Variants in ST18 observed in about 807,000 individuals in gnomAD.
ST18 encodes suppression of tumorigenicity 18 protein.
A neutral mutation model predicts 110.0 loss-of-function variants in ST18; 50 were observed. The ratio of observed to expected loss-of-function variants is 0.45; its 90% CI spans 0.36 to 0.58. The LOEUF is 0.58. Among genes scored for constraint, ST18 ranks in the 20% least tolerant of loss-of-function variants. The pLI, the probability that ST18 is intolerant of heterozygous loss-of-function variation, is 0.00. For missense variants in ST18, 1,306 were observed against 1,280.1 expected, an observed-to-expected ratio of 1.02 and a Z score of -0.31; for synonymous variants, 461 against 452.4, an observed-to-expected ratio of 1.02 and a Z score of -0.24.
At chr8:52,205,534 G>GT (rs1564053644) in intron 8 of ST18, among the ~76,000 whole-genome samples, 1 of 151,846 alleles carries the variant, frequency 6.6e-6, no homozygotes. Context: ...GTAGTAGTCT[G>GT]TTTTTTTAAA....
At chr8:52,122,630 C>T (rs1302956436) in intron 23 of ST18, among the ~76,000 whole-genome samples, 1 of 151,950 alleles carries the variant, frequency 6.6e-6, no homozygotes, top group Non-Finnish European at 1.5e-5. Context: ...TTACAGGAGC[C>T]TGCCACCACA....
At chr8:52,195,772 T>C (rs965132712) in intron 8 of ST18, among the ~76,000 whole-genome samples, 3 of 152,200 alleles carry the variant, frequency 2.0e-5, no homozygotes, top group African/African-American at 7.2e-5. Context: ...AGTGCCTCAA[T>C]TTTACCTTAA....
intron 8 of ST18, chr8:52,199,365 GC>G: frequency 6.6e-6 from 1 of 152,302 alleles, no homozygotes; most frequent in Non-Finnish European, 1.5e-5. Context: ...TTACCATTTG[GC>G]CCTCATGCTG....
chr8:52,364,348 G>T (rs181030022), intron 2 of ST18, among the ~76,000 whole-genome samples: 17 of 152,286 alleles, frequency 1.1e-4, no homozygotes, highest in Middle Eastern at 3.4e-3. Context: ...AAGGACTCTG[G>T]TTAATAGGAG....
At chr8:52,159,624 T>C (rs2060905610) in intron 14 of ST18, among the ~76,000 whole-genome samples, 1 of 152,232 alleles carries the variant, frequency 6.6e-6, no homozygotes. Context: ...AGGCTTGTTT[T>C]GTCCTTAAAC....
At chr8:52,301,036 A>G (rs1207570398) in intron 2 of ST18, among the ~76,000 whole-genome samples, 1 of 152,244 alleles carries the variant, frequency 6.6e-6, no homozygotes, top group Non-Finnish European at 1.5e-5. Flanking sequence ...ATTTTCTAGG[A>G]ATGATGACAT....
At chr8:52,160,976 A>G (rs1418995741) in intron 14 of ST18, among the ~76,000 whole-genome samples, 1 of 152,168 alleles carries the variant, frequency 6.6e-6, no homozygotes, top group Non-Finnish European at 1.5e-5. Context: ...CAGCATTTCA[A>G]CATTTTACCT....
intron 2 of ST18, among the ~76,000 whole-genome samples, chr8:52,316,037 T>C (rs1026636993): frequency 1.3e-5 from 2 of 152,214 alleles, no homozygotes; most frequent in African/African-American, 4.8e-5. Context: ...ATTACTGTGG[T>C]GTTTTGTATT....
intron 2 of ST18, among the ~76,000 whole-genome samples, chr8:52,249,797 T>C (rs556739470): frequency 9.2e-5 from 14 of 152,244 alleles, no homozygotes; most frequent in Non-Finnish European, 1.2e-4. Flanking sequence ...TGGAGATGAA[T>C]TGTCTGGTTT....
chr8:52,280,396 G>A (rs964832774), intron 2 of ST18, among the ~76,000 whole-genome samples: 2 of 151,782 alleles, frequency 1.3e-5, no homozygotes, highest in African/African-American at 4.8e-5. Flanking sequence ...TATAATCTAT[G>A]TACACATGAA....
chr8:52,340,652 C>T (rs962402830), intron 2 of ST18, among the ~76,000 whole-genome samples: 5 of 152,170 alleles, frequency 3.3e-5, no homozygotes, highest in Non-Finnish European at 5.9e-5. Context: ...TCTCCACTCA[C>T]TTTGTTATCT....
At chr8:52,128,235 C>T (rs2047867694) in intron 22 of ST18, among the ~76,000 whole-genome samples, 1 of 152,222 alleles carries the variant, frequency 6.6e-6, no homozygotes, top group African/African-American at 2.4e-5. Context: ...TCCCAAAGTG[C>T]TGGGATTACA....
chr8:52,272,349 T>TA (rs896784406), intron 2 of ST18, among the ~76,000 whole-genome samples: 33 of 151,418 alleles, frequency 2.2e-4, no homozygotes, highest in South Asian at 6.3e-4. Flanking sequence ...AACTCAATAG[T>TA]AAAAAAAAAT....
At chr8:52,195,102 T>C (rs1338529625) in intron 8 of ST18, among the ~76,000 whole-genome samples, 3 of 152,198 alleles carry the variant, frequency 2.0e-5, no homozygotes, top group Non-Finnish European at 4.4e-5. Flanking sequence ...TGCATAGCCA[T>C]GGATTAGCTA....
intron 2 of ST18, among the ~76,000 whole-genome samples, chr8:52,379,152 G>A (rs1307272432): frequency 1.4e-5 from 2 of 144,730 alleles, no homozygotes; most frequent in Admixed American, 7.2e-5. Flanking sequence ...AGGCTGAAGT[G>A]CAGTGGCTCA....
intron 2 of ST18, among the ~76,000 whole-genome samples, chr8:52,391,786 C>T (rs1002507226): frequency 9.2e-5 from 14 of 152,174 alleles, no homozygotes; most frequent in African/African-American, 3.1e-4. Flanking sequence ...TTGGGCAACA[C>T]ATGACTGTAA....
At chr8:52,287,235 C>T (rs973054378) in intron 2 of ST18, among the ~76,000 whole-genome samples, 15 of 152,124 alleles carry the variant, frequency 9.9e-5, no homozygotes, top group Admixed American at 2.0e-4. Flanking sequence ...TACATAGAAC[C>T]TATCCACAAT....
At chr8:52,368,537 A>G (rs1403460702) in intron 2 of ST18, among the ~76,000 whole-genome samples, 1 of 152,216 alleles carries the variant, frequency 6.6e-6, no homozygotes, top group Non-Finnish European at 1.5e-5. Flanking sequence ...ACTAAAGGAC[A>G]TCATGTTTAA....
rs2083308181 is a variant in ST18, at chr8:52,214,261, T to C, written c.1-4A>G. ...TATCTTCAGCCTCTGCATCCATCTATAACATGAACACAAAGTCCTGAGGTC... is the reference window on the plus strand; with the variant it reads ...TATCTTCAGCCTCTGCATCCATCTACAACATGAACACAAAGTCCTGAGGTC... On this transcript the variant is annotated splice_region_variant and splice_polypyrimidine_tract_variant and intron_variant, in intron 6 of 25. Transcript: ENST00000689386. 6 of 1,613,806 alleles carry C rather than the reference T, an allele frequency of 3.7e-6. No homozygotes were observed. Among genetic ancestry groups the C allele is most frequent in the African/African-American group, 1.3e-5 (1 of 74,920 alleles).
Sources: gnomAD v4.1 joint callset for allele counts (sites outside exome capture counted in the v4.1 genomes callset) on GRCh38, gnomAD v4.1.1 for gene constraint, MANE v1.5 for transcripts, NCBI Gene and HGNC (gene_info 2026-07-23, HGNC 2026-07-21) for gene names.